Variants in SEMA4A observed in about 807,000 individuals in gnomAD.
SEMA4A encodes semaphorin-4A.
SEMA4A carries 52 observed loss-of-function variants against 72.5 expected under a neutral mutation model. That is an observed-to-expected ratio of 0.72 (90% CI 0.57 to 0.90). SEMA4A has a LOEUF of 0.90. Ranked by LOEUF, SEMA4A falls within the 40% of genes least tolerant of loss-of-function variation. The pLI is 0.00. For synonymous variants in SEMA4A, 369 were observed against 393.1 expected (o/e 0.94, Z 0.73); for missense variants, 926 against 959.7 (o/e 0.96, Z 0.46).
intron 10 of SEMA4A, among the ~76,000 whole-genome samples, chr1:156,168,265 A>G (rs1214873315): frequency 6.7e-6 from 1 of 149,080 alleles, no homozygotes; most frequent in African/African-American, 2.5e-5. Flanking sequence ...TCTGTTGCCC[A>G]GGCTGGGGTG....
At chr1:156,148,095 G>A (rs1201782701), upstream of SEMA4A, among the ~76,000 whole-genome samples, 1 of 152,228 alleles carries the variant, frequency 6.6e-6, no homozygotes, top group Non-Finnish European at 1.5e-5. Flanking sequence ...ATTCCCTTGG[G>A]TTATTTCAGA....
rs1022453839 is a variant in SEMA4A, at chr1:156,177,096, C to G, written c.*99C>G. The stretch of plus-strand genomic sequence containing the variant: ...CTAGGATGACAGCAGCACAAAAGAC[C>G]ACCTTTCTCCCCTGAGAGGAGCTTC... On this transcript the variant is annotated 3_prime_UTR_variant, in exon 15 of 15. Coordinates refer to ENST00000368285, the MANE Select transcript of SEMA4A (RefSeq NM_022367.4). 8.8e-6 allele frequency: 9 copies of G among 1,022,586 alleles called. No individual in the cohort carries two copies. The highest frequency in any genetic ancestry group is 1.3e-5 in the Non-Finnish European group (9 of 671,334). 63.3% of individuals were successfully genotyped at this position (1,022,586 alleles called of 1,614,324 possible). A position where few individuals can be genotyped will look rare whatever the true frequency, so the allele number is the denominator to read the frequency against.
chr1:156,168,082 C>T (rs1654348533), intron 10 of SEMA4A, among the ~76,000 whole-genome samples: 2 of 151,346 alleles, frequency 1.3e-5, no homozygotes, highest in African/African-American at 4.9e-5. Context: ...CGCCACAGCA[C>T]CCAGCTAATT....
In SEMA4A at chr1:156,154,688, G is replaced by A; in HGVS notation, c.110G>A (p.Gly37Glu). ...ACGACCGCGGGGGGAGGCGGGCAGG[G>A]GCCCATGCCCAGGGTCAGATACTAT... ...PTTTAGGGGQ[G>E]PMPRVRYYAG... is the part of the protein sequence containing the mutation. The change falls in exon 2 of 15, where the codon GGG becomes GAG. Residue 37 changes from glycine to glutamate, a missense_variant. By Grantham distance (98) the Gly-to-Glu change is moderately conservative (BLOSUM62 -2). Coordinates refer to ENST00000368285, the MANE Select transcript of SEMA4A (RefSeq NM_022367.4). 1 of 1,592,178 alleles carries A rather than the reference G, an allele frequency of 6.3e-7. No homozygotes were observed. Among genetic ancestry groups the A allele is most frequent in the Non-Finnish European group, 8.5e-7 (1 of 1,169,858 alleles).
At chr1:156,163,310 C>T (rs1384484354) in intron 10 of SEMA4A, 1 of 594,060 alleles carries the variant, frequency 1.7e-6, no homozygotes, top group Non-Finnish European at 3.0e-6. Context: ...CTCCCTTCAC[C>T]AAGGCTAAGT....
At chr1:156,164,744 G>GT (rs1654002624) in intron 10 of SEMA4A, among the ~76,000 whole-genome samples, 1 of 151,854 alleles carries the variant, frequency 6.6e-6, no homozygotes, top group African/African-American at 2.4e-5. Flanking sequence ...TTTTCCCTGG[G>GT]GTTAGTAATT....
At chr1:156,175,502 C>T in intron 13 of SEMA4A, 54 bp from the exon 14 acceptor site, 1 of 1,436,450 alleles carries the variant, frequency 7.0e-7, no homozygotes, top group Non-Finnish European at 9.7e-7. Flanking sequence ...CCTCCTTCCT[C>T]TTCCCACTTT....
intron 9 of SEMA4A, among the ~76,000 whole-genome samples, chr1:156,162,208 C>A (rs1372896138): frequency 6.6e-6 from 1 of 152,218 alleles, no homozygotes; most frequent in Non-Finnish European, 1.5e-5. Flanking sequence ...TTGCAGTGAG[C>A]CAAGATCGCA....
At chr1:156,175,454 C>T (rs1390767959) in intron 13 of SEMA4A, 102 bp from the exon 14 acceptor site, 10 of 1,121,172 alleles carry the variant, frequency 8.9e-6, no homozygotes, top group Non-Finnish European at 1.3e-5. Context: ...TCCTAGTCTC[C>T]CCTGGCCTAC....
At chr1:156,160,402 T>G (rs1653476145) in intron 6 of SEMA4A, 41 bp from the exon 7 acceptor site, 1 of 1,500,668 alleles carries the variant, frequency 6.7e-7, no homozygotes, top group Non-Finnish European at 9.3e-7. Context: ...AGAGGAACCC[T>G]CCACCCCATC....
upstream of SEMA4A, among the ~76,000 whole-genome samples, chr1:156,147,890 GTCCAGCTCAC>G (rs1652225306): frequency 6.6e-6 from 1 of 152,224 alleles, no homozygotes; most frequent in Non-Finnish European, 1.5e-5. Context: ...AGGTCTGGGT[GTCCAGCTCAC>G]TCCAGCGAGT....
intron 6 of SEMA4A, among the ~76,000 whole-genome samples, chr1:156,160,114 G>A (rs1274798527): frequency 1.3e-5 from 2 of 152,048 alleles, no homozygotes; most frequent in African/African-American, 4.8e-5. Context: ...GTGTGGAAGT[G>A]GAAAACACAG....
chr1:156,177,088 CA>C lies in SEMA4A; in HGVS notation c.*95del. Reference sequence around the variant, plus strand: ...AGCCCTGACTAGGATGACAGCAGCACAAAAGACCACCTTTCTCCCCTGAGAG... The same window carrying C: ...AGCCCTGACTAGGATGACAGCAGCACAAAGACCACCTTTCTCCCCTGAGAG... On this transcript the variant is annotated 3_prime_UTR_variant, in exon 15 of 15. Coordinates refer to ENST00000368285, the MANE Select transcript of SEMA4A (RefSeq NM_022367.4). The C allele has an allele frequency of 4.6e-6, 5 of 1,089,928 alleles. No homozygotes were observed. The highest frequency in any genetic ancestry group is 6.9e-6 in the Non-Finnish European group (5 of 729,142). 67.5% of individuals were successfully genotyped at this position (1,089,928 alleles called of 1,614,324 possible). A position where few individuals can be genotyped will look rare whatever the true frequency, so the allele number is the denominator to read the frequency against.
rs144310352 is a variant in SEMA4A, at chr1:156,175,068, T to G, written c.1435-18T>G. On this transcript the variant is annotated intron_variant, in intron 12 of 14. Transcript: ENST00000368285. ...AGATGTGGCTGGGGCTCCCTGACAA[T>G]CTCCATCTCTCTTCCAGGGTGCAGT... 4.3e-4 allele frequency: 686 copies of G among 1,614,080 alleles called. 7 individuals are homozygous for G. The African/African-American group carries it at 8.1e-3, about 19-fold the overall frequency.
At chr1:156,158,542 C>T in intron 5 of SEMA4A, 56 bp downstream of exon 5, 1 of 1,434,096 alleles carries the variant, frequency 7.0e-7, no homozygotes, top group East Asian at 2.3e-5. Flanking sequence ...TCACATCTAC[C>T]CACGACTTTC....
intron 9 of SEMA4A, chr1:156,161,756 T>G: frequency 1.9e-6 from 1 of 519,150 alleles, no homozygotes; most frequent in South Asian, 3.0e-5. Context: ...CCAAAAGGGA[T>G]AGGAAGCATT....
intron 8 of SEMA4A, 156 bp from the exon 9 acceptor site, chr1:156,161,189 TG>T: frequency 4.1e-6 from 1 of 243,374 alleles, no homozygotes; most frequent in Non-Finnish European, 6.9e-6. Context: ...GCTGGGCGGG[TG>T]GGGCGGGGGA....
intron 10 of SEMA4A, among the ~76,000 whole-genome samples, chr1:156,167,067 A>AT (rs1415946083): frequency 1.3e-5 from 2 of 151,932 alleles, no homozygotes; most frequent in Non-Finnish European, 2.9e-5. Context: ...CACCCAGTTA[A>AT]TTTTTTAATA....
upstream of SEMA4A, among the ~76,000 whole-genome samples, chr1:156,152,445 TG>T (rs954884110): frequency 6.6e-6 from 1 of 152,200 alleles, no homozygotes; most frequent in Admixed American, 6.5e-5. Context: ...AGGGGCAGAC[TG>T]GCTTCCCAAA....
Sources: allele counts gnomAD v4.1 joint callset (sites outside exome capture counted in the v4.1 genomes callset), GRCh38; gene constraint gnomAD v4.1.1; transcripts MANE v1.5; gene names NCBI Gene and HGNC (gene_info 2026-07-23, HGNC 2026-07-21).